PALLD: variants seen among roughly 807,000 people sequenced by gnomAD.
PALLD encodes palladin.
Under a neutral mutation model 123.5 loss-of-function variants are expected in PALLD, and 61 were observed. That is an observed-to-expected ratio of 0.49 (90% CI 0.40 to 0.61). The LOEUF (loss-of-function observed/expected upper bound fraction) is 0.61, where lower values mean the gene tolerates loss of function less well. Among genes scored for constraint, PALLD ranks in the 20% least tolerant of loss-of-function variants. The pLI is 0.00. For synonymous variants in PALLD, 465 were observed against 496.4 expected, an observed-to-expected ratio of 0.94 and a Z score of 0.84; for missense variants, 1,273 against 1,377.0, an observed-to-expected ratio of 0.92 and a Z score of 1.20.
chr4:168,597,827 C>T (rs913405594), intron 2 of PALLD, among the ~76,000 whole-genome samples: 6 of 151,982 alleles, frequency 3.9e-5, no homozygotes, highest in Admixed American at 1.3e-4. Flanking sequence ...GCTATGTAAC[C>T]ATATCAATGT....
At chr4:168,627,203 A>T (rs1190465750) in intron 2 of PALLD, among the ~76,000 whole-genome samples, 1 of 152,202 alleles carries the variant, frequency 6.6e-6, no homozygotes, top group Non-Finnish European at 1.5e-5. Flanking sequence ...TTATACACTA[A>T]ACCAGGATAA....
chr4:168,503,287 G>A (rs1354275314), intron 1 of PALLD, among the ~76,000 whole-genome samples: 5 of 152,170 alleles, frequency 3.3e-5, no homozygotes, highest in Admixed American at 2.6e-4. Context: ...TATTGATTGG[G>A]GAACTGTTAG....
chr4:168,789,405 TA>T (rs1341336565), intron 10 of PALLD, among the ~76,000 whole-genome samples: 4 of 152,140 alleles, frequency 2.6e-5, no homozygotes, highest in Admixed American at 6.5e-5. Flanking sequence ...TCTAATGCAG[TA>T]TATAGAAAAG....
At chr4:168,915,402 A>G (rs370038726) in intron 16 of PALLD, among the ~76,000 whole-genome samples, 5 of 152,330 alleles carry the variant, frequency 3.3e-5, no homozygotes, top group African/African-American at 1.2e-4. Flanking sequence ...AGGCATATGG[A>G]TAACTAATGC....
At chr4:168,802,547 G>T (rs1739497823) in intron 10 of PALLD, among the ~76,000 whole-genome samples, 1 of 152,158 alleles carries the variant, frequency 6.6e-6, no homozygotes, top group Non-Finnish European at 1.5e-5. Flanking sequence ...ACATAAACAT[G>T]GGAAAAATAG....
At position 168,511,968 on chromosome 4, in the gene PALLD, A is replaced by G; in HGVS notation, c.464A>G (p.Lys155Arg). Residue 155 changes from lysine to arginine, a missense_variant, in exon 2 of 22, where the codon AAA (lysine) becomes AGA (arginine). Transcript: ENST00000505667. ...AKTPSTNVKP[K>R]TPHQRKGGPQ... ...ACTCCCAGCACAAACGTAAAGCCCA[A>G]AACGCCACATCAAAGAAAGGGTGGC... The G allele has an allele frequency of 6.2e-7, 1 of 1,614,214 alleles. No individual in the cohort carries two copies. Among genetic ancestry groups the G allele is most frequent in the Non-Finnish European group, 8.5e-7 (1 of 1,180,026 alleles).
At chr4:168,840,141 A>G (rs1745830991) in intron 10 of PALLD, among the ~76,000 whole-genome samples, 1 of 152,068 alleles carries the variant, frequency 6.6e-6, no homozygotes, top group Admixed American at 6.5e-5. Context: ...TGGCTCTATT[A>G]AGAGACAAAA....
chr4:168,849,895 C>T (rs1747490473), intron 10 of PALLD, among the ~76,000 whole-genome samples: 2 of 152,146 alleles, frequency 1.3e-5, no homozygotes, highest in Admixed American at 6.5e-5. Flanking sequence ...TCTTCTCACC[C>T]CCAAGCTACC....
At chr4:168,898,144 C>G in intron 13 of PALLD, 1 of 325,544 alleles carries the variant, frequency 3.1e-6, no homozygotes, top group Non-Finnish European at 5.9e-6. Context: ...AATCAGCGTT[C>G]CATTATATTT....
chr4:168,791,928 C>T (rs1737583021), intron 10 of PALLD, among the ~76,000 whole-genome samples: 1 of 151,956 alleles, frequency 6.6e-6, no homozygotes, highest in Non-Finnish European at 1.5e-5. Flanking sequence ...ACAAAAAAAA[C>T]TGCTTTCCCC....
chr4:168,743,216 A>G (rs79970971), intron 10 of PALLD, among the ~76,000 whole-genome samples: 3,658 of 152,266 alleles, frequency 0.024, 131 homozygotes, highest in African/African-American at 0.074. Flanking sequence ...ATCTACACTC[A>G]ATAAATATTT....
intron 2 of PALLD, among the ~76,000 whole-genome samples, chr4:168,573,665 C>T (rs1378065529): frequency 1.3e-5 from 2 of 152,126 alleles, no homozygotes; most frequent in African/African-American, 4.8e-5. Flanking sequence ...AAGGAACCAT[C>T]TCAGGCTGAG....
At position 168,740,371 on chromosome 4, in the gene PALLD, C is replaced by T. The variant is rs145639858; in HGVS notation, c.1964+28448C>T. On this transcript the variant is annotated intron_variant, in intron 10 of 21. Transcript: ENST00000505667. Reference sequence around the variant, plus strand: ...TTTTGATACTTTAAAGAGACCTTTGCAGTTTTGAATTTTGAATATAATATT... The same window carrying T: ...TTTTGATACTTTAAAGAGACCTTTGTAGTTTTGAATTTTGAATATAATATT... Among the ~76,000 whole-genome samples the T allele has an allele frequency of 6.0e-3, 911 of 152,282 alleles. 8 individuals are homozygous for T. Among genetic ancestry groups the T allele is most frequent in the African/African-American group, 0.02 (850 of 41,550 alleles).
At chr4:168,802,583 C>T (rs1277720006) in intron 10 of PALLD, among the ~76,000 whole-genome samples, 5 of 152,020 alleles carry the variant, frequency 3.3e-5, no homozygotes, top group East Asian at 1.9e-4. Flanking sequence ...AGAGTTGGTG[C>T]GGGGAGGACA....
chr4:168,607,913 T>C (rs545231102), intron 2 of PALLD, among the ~76,000 whole-genome samples: 2 of 152,198 alleles, frequency 1.3e-5, no homozygotes, highest in Non-Finnish European at 2.9e-5. Flanking sequence ...CTCTACACTG[T>C]TGGGATTCTG....
chr4:168,633,120 C>A (rs999058239), intron 2 of PALLD, among the ~76,000 whole-genome samples: 1 of 152,212 alleles, frequency 6.6e-6, no homozygotes, highest in African/African-American at 2.4e-5. Flanking sequence ...GACTTTCTAT[C>A]AGCCCTTCTC....
At chr4:168,712,205 G>A (rs946754214) in intron 10 of PALLD, 1 of 522,632 alleles carries the variant, frequency 1.9e-6, no homozygotes, top group Non-Finnish European at 3.4e-6. Flanking sequence ...AGCTAAGGAT[G>A]TAGCCACTCC....
At chr4:168,882,971 TC>T (rs1465304396) in intron 10 of PALLD, among the ~76,000 whole-genome samples, 1 of 151,964 alleles carries the variant, frequency 6.6e-6, no homozygotes, top group Non-Finnish European at 1.5e-5. Context: ...GCACCTGTAG[TC>T]CCAGCTACTT....
chr4:168,631,983 T>C, intron 2 of PALLD: 1 of 811,468 alleles, frequency 1.2e-6, no homozygotes. Flanking sequence ...CAAGTACTCG[T>C]GCGAAGAGTA....
Sources: gnomAD v4.1 joint callset for allele counts (sites outside exome capture counted in the v4.1 genomes callset) on GRCh38, gnomAD v4.1.1 for gene constraint, MANE v1.5 for transcripts, NCBI Gene and HGNC (gene_info 2026-07-23, HGNC 2026-07-21) for gene names.